Variants in PTK2 observed in about 807,000 individuals in gnomAD.
PTK2 encodes protein tyrosine kinase 2.
PTK2 carries 45 observed loss-of-function variants against 150.1 expected under a neutral mutation model. That is an observed-to-expected ratio of 0.30 (90% confidence interval 0.24 to 0.38). The LOEUF (loss-of-function observed/expected upper bound fraction) is 0.38. Ranked by LOEUF, PTK2 falls within the 10% of genes least tolerant of loss-of-function variation. The pLI, the probability that PTK2 is intolerant of heterozygous loss-of-function variation, is 1.00. For missense variants in PTK2, 919 were observed against 1,307.3 expected, an observed-to-expected ratio of 0.70 and a Z score of 4.58; for synonymous variants, 432 against 449.2, an observed-to-expected ratio of 0.96 and a Z score of 0.48.
intron 1 of PTK2, among the ~76,000 whole-genome samples, chr8:140,936,463 T>C (rs1278385823): frequency 6.6e-6 from 1 of 152,104 alleles, no homozygotes; most frequent in Admixed American, 6.6e-5. Flanking sequence ...AAGAACAACT[T>C]GTTAGGCCCA....
intron 10 of PTK2, among the ~76,000 whole-genome samples, chr8:140,817,368 C>T (rs1427356481): frequency 6.6e-6 from 1 of 152,030 alleles, no homozygotes. Context: ...CGGTTTGGCA[C>T]ATTTATATAT....
chr8:140,676,413 A>AATTAATTAATTAATTAAT (rs1554666251), intron 27 of PTK2, among the ~76,000 whole-genome samples: 1 of 99,414 alleles, frequency 1.0e-5, no homozygotes, highest in Non-Finnish European at 1.9e-5. Flanking sequence ...TTAATTAATT[A>AATTAATTAATTAATTAAT]ATATATATAT....
In PTK2 at chr8:140,706,029, C is replaced by T. The variant is rs1451315027; in HGVS notation, c.2229+90G>A. ...ATCGGCCAAATCATACTCATAAGTA[C>T]ATAAATAAAAATATGCACAATGTAC... is the stretch of plus-strand genomic sequence containing the variant. On this transcript the variant is annotated intron_variant, in intron 24 of 31. Transcript: ENST00000522684. 10 of 1,063,830 alleles carry T rather than the reference C, an allele frequency of 9.4e-6. No homozygotes were observed. The East Asian group carries it at 2.2e-4, about 23-fold the overall frequency. The allele number at this position is 1,063,830 out of a possible 1,614,324, so 65.9% of individuals were successfully genotyped here.
chr8:140,745,199 C>T (rs191191517), intron 18 of PTK2, among the ~76,000 whole-genome samples: 93 of 152,220 alleles, frequency 6.1e-4, no homozygotes, highest in African/African-American at 2.1e-3. Context: ...TAATGTAATG[C>T]GGAGAAAGCA....
chr8:140,733,853 C>T (rs1395368192), intron 22 of PTK2, among the ~76,000 whole-genome samples: 2 of 152,100 alleles, frequency 1.3e-5, no homozygotes, highest in Admixed American at 6.5e-5. Context: ...AGACCAAGAG[C>T]GTGGCTGGTC....
intron 17 of PTK2, among the ~76,000 whole-genome samples, chr8:140,751,263 G>C (rs922854004): frequency 2.0e-5 from 3 of 152,172 alleles, no homozygotes; most frequent in African/African-American, 7.2e-5. Context: ...GGGCCTCCCA[G>C]GCTCAAGTGA....
chr8:140,876,963 T>TTA (rs2100145889), intron 4 of PTK2, among the ~76,000 whole-genome samples: 1 of 151,908 alleles, frequency 6.6e-6, no homozygotes, highest in South Asian at 2.1e-4. Flanking sequence ...CCTCATCAGT[T>TTA]TATCTGTCAC....
chr8:140,659,761 T>TCCAA (rs2076780035), intron 31 of PTK2, 83 bp from the exon 36 acceptor site: 7 of 1,282,326 alleles, frequency 5.5e-6, no homozygotes, highest in Non-Finnish European at 7.6e-6. Context: ...TACTGTGTTG[T>TCCAA]CCAAGCTTGC....
intron 10 of PTK2, among the ~76,000 whole-genome samples, chr8:140,812,474 A>G (rs1161124839): frequency 6.6e-6 from 1 of 152,214 alleles, no homozygotes; most frequent in East Asian, 1.9e-4. Context: ...TAAAGCAAAC[A>G]CACAAACAAG....
chr8:140,669,325 A>G (rs1308474928), intron 29 of PTK2: 6 of 131,962 alleles, frequency 4.5e-5, no homozygotes, highest in African/African-American at 2.0e-4. Flanking sequence ...ATATATATAT[A>G]TATATATATA....
At chr8:140,972,944 G>A (rs2100187866) in intron 1 of PTK2, among the ~76,000 whole-genome samples, 1 of 152,216 alleles carries the variant, frequency 6.6e-6, no homozygotes, top group East Asian at 1.9e-4. Flanking sequence ...GTCTCCCAGT[G>A]TGACTCCTGT....
chr8:140,674,365 G>A (rs201355515), exon 29 of PTK2: 2 of 1,606,268 alleles, frequency 1.2e-6, no homozygotes, highest in East Asian at 4.5e-5. Flanking sequence ...ATGACCGGGA[G>A]CTCCAGGGCG....
chr8:140,730,799 T>C (rs916841844), intron 22 of PTK2, among the ~76,000 whole-genome samples: 3 of 152,194 alleles, frequency 2.0e-5, no homozygotes, highest in African/African-American at 7.2e-5. Flanking sequence ...TTTTTTAAAA[T>C]AGTGGTACCA....
chr8:140,826,063 T>C (rs553923331), intron 8 of PTK2, among the ~76,000 whole-genome samples: 2 of 152,328 alleles, frequency 1.3e-5, no homozygotes, highest in East Asian at 1.9e-4. Context: ...GAATGTTAAT[T>C]ATAAATAATC....
At chr8:140,731,657 G>A (rs1283261473) in intron 22 of PTK2, among the ~76,000 whole-genome samples, 1 of 152,140 alleles carries the variant, frequency 6.6e-6, no homozygotes, top group Non-Finnish European at 1.5e-5. Context: ...TACTTTGAAA[G>A]GCCAAGGTGG....
intron 2 of PTK2, among the ~76,000 whole-genome samples, chr8:140,916,015 CTAATAA>C (rs1200489778): frequency 6.6e-6 from 1 of 152,128 alleles, no homozygotes; most frequent in Non-Finnish European, 1.5e-5. Context: ...TCCCCAAATA[CTAATAA>C]TGAGGACCAG....
chr8:140,970,077 A>G (rs1293751248), intron 1 of PTK2, among the ~76,000 whole-genome samples: 2 of 152,268 alleles, frequency 1.3e-5, no homozygotes, highest in African/African-American at 4.8e-5. Context: ...AATTCCCAGC[A>G]GCTTCGGAGA....
intron 1 of PTK2, among the ~76,000 whole-genome samples, chr8:140,948,891 C>A (rs1252378443): frequency 6.6e-6 from 1 of 151,656 alleles, no homozygotes; most frequent in Non-Finnish European, 1.5e-5. Context: ...TACAGTTGAC[C>A]CTTGAACAAC....
chr8:140,810,035 T>C (rs2100100517), intron 10 of PTK2, among the ~76,000 whole-genome samples: 2 of 152,140 alleles, frequency 1.3e-5, no homozygotes, highest in South Asian at 4.2e-4. Context: ...CTGGGAACCC[T>C]GCAAGAGGCT....
Sources: gnomAD v4.1 joint callset for allele counts (sites outside exome capture counted in the v4.1 genomes callset) on GRCh38, gnomAD v4.1.1 for gene constraint, MANE v1.5 for transcripts, NCBI Gene and HGNC (gene_info 2026-07-23, HGNC 2026-07-21) for gene names.